Variants in PMVK observed in about 807,000 individuals in gnomAD.
PMVK encodes the protein phosphomevalonate kinase, also known as testis tissue sperm-binding protein Li 95mP.
Under a neutral mutation model 19.0 loss-of-function variants are expected in PMVK, and 10 were observed. The ratio of observed to expected loss-of-function variants is 0.53; its 90% CI spans 0.32 to 0.89. The LOEUF (loss-of-function observed/expected upper bound fraction) is 0.89. Among genes scored for constraint, PMVK ranks in the 40% least tolerant of loss-of-function variants. The pLI is 0.03. For missense variants in PMVK, 222 were observed against 251.1 expected (o/e 0.88, Z 0.78); for synonymous variants, 108 against 101.6 (o/e 1.06, Z -0.38).
intron 3 of PMVK, 40 bp from the exon 4 acceptor site, chr1:154,926,523 T>C (rs771562050): frequency 1.9e-6 from 3 of 1,600,756 alleles, no homozygotes; most frequent in Non-Finnish European, 8.5e-7. Flanking sequence ...CAGGACAGGA[T>C]GATAGAAGTG....
At chr1:154,927,990 T>A (rs1371869580) in intron 3 of PMVK, among the ~76,000 whole-genome samples, 1 of 152,052 alleles carries the variant, frequency 6.6e-6, no homozygotes, top group East Asian at 1.9e-4. Flanking sequence ...TAATGTAAGC[T>A]CCCTGAAGGA....
At chr1:154,941,746 C>T in the PMVK span, among the ~76,000 whole-genome samples, 3 of 152,204 alleles carry the variant, frequency 2.0e-5, no homozygotes, top group African/African-American at 7.2e-5. Context: ...CCACCCACCC[C>T]ATCTGTCTCC....
rs150946855 is a variant in PMVK, at chr1:154,929,200, C to T, written c.160-24G>A. 1,021 of 1,611,984 alleles carry T rather than the reference C, an allele frequency of 6.3e-4. 2 individuals are homozygous for T. The highest frequency in any genetic ancestry group is 2.8e-3 in the Middle Eastern group (17 of 6,054). ...TCCTGCCCAAAGGACATTATGTCTA[C>T]GTCACCGGCCTTTCAACCTCAGTGG... On this transcript the variant is annotated intron_variant, in intron 2 of 4. Transcript: ENST00000368467.
upstream of PMVK, chr1:154,936,776 G>C: frequency 8.4e-7 from 1 of 1,196,808 alleles, no homozygotes; most frequent in Non-Finnish European, 1.2e-6. Flanking sequence ...GCCACTAAGC[G>C]GAGCGGCAAC....
At chr1:154,930,015 G>C (rs1163338528) in intron 2 of PMVK, among the ~76,000 whole-genome samples, 1 of 152,200 alleles carries the variant, frequency 6.6e-6, no homozygotes, top group African/African-American at 2.4e-5. Context: ...TGGTCTACTT[G>C]TTGGTTATAT....
chr1:154,932,036 CTGAG>C (rs1319970659), intron 2 of PMVK, among the ~76,000 whole-genome samples: 5 of 152,094 alleles, frequency 3.3e-5, no homozygotes, highest in Non-Finnish European at 7.3e-5. Context: ...GTCAGGCCAG[CTGAG>C]TGAGAGGGTG....
At chr1:154,937,020 C>T (rs527855889), upstream of PMVK, 1 of 229,424 alleles carries the variant, frequency 4.4e-6, no homozygotes, top group South Asian at 7.8e-5. Context: ...TTAACTGACA[C>T]CCGGGGAGGA....
intron 1 of PMVK, chr1:154,936,367 A>G: frequency 1.0e-6 from 1 of 983,792 alleles, no homozygotes; most frequent in Non-Finnish European, 1.2e-6. Context: ...AGAGACCTGC[A>G]GCTGAAGGTC....
At position 154,924,938 on chromosome 1, in the gene PMVK, G is replaced by A. The variant is rs1375328906; in HGVS notation, c.*191C>T. The A allele has an allele frequency of 3.2e-6, 2 of 625,674 alleles. No homozygotes were observed. The highest frequency in any genetic ancestry group is 2.8e-5 in the East Asian group (1 of 36,116). The allele number at this position is 625,674 out of a possible 1,614,324, so 38.8% of individuals were successfully genotyped here. A position where few individuals can be genotyped will look rare whatever the true frequency, so the allele number is the denominator to read the frequency against. The stretch of plus-strand genomic sequence containing the variant: ...TTGGAGTCTCCTCCTGAAGAGCATG[G>A]CTGTCTTCCCCATGGAGAAAATGAG... On this transcript the variant is annotated 3_prime_UTR_variant, in exon 5 of 5. Coordinates refer to ENST00000368467, the MANE Select transcript of PMVK (RefSeq NM_006556.4).
At chr1:154,941,621 C>T (rs773739901), upstream of PMVK, among the ~76,000 whole-genome samples, 3 of 152,018 alleles carry the variant, frequency 2.0e-5, no homozygotes, top group Non-Finnish European at 4.4e-5. Context: ...TGTCCTTGGG[C>T]CCAGCCGGAC....
At chr1:154,931,009 A>C (rs572710990) in intron 2 of PMVK, among the ~76,000 whole-genome samples, 11 of 152,170 alleles carry the variant, frequency 7.2e-5, no homozygotes, top group Non-Finnish European at 1.6e-4. Context: ...GGATCACTTG[A>C]GCCCAGGAGG....
chr1:154,935,087 CA>C (rs1654463105), intron 1 of PMVK, among the ~76,000 whole-genome samples: 1 of 107,116 alleles, frequency 9.3e-6, no homozygotes, highest in African/African-American at 3.5e-5. Context: ...AAAAAAAAAA[CA>C]TGAGGCACAG....
Position 154,926,617 on chromosome 1 carries a change from G to A in PMVK, c.313-134C>T, listed in dbSNP as rs1208195202. The A allele has an allele frequency of 4.5e-6, 3 of 672,026 alleles. No homozygotes were observed. In the African/African-American group the frequency reaches 5.4e-5, roughly 12 times the overall value. 41.6% of individuals were successfully genotyped at this position (672,026 alleles called of 1,614,324 possible). On this transcript the variant is annotated intron_variant, in intron 3 of 4. Transcript: ENST00000368467. ...ATCATCGTGAGCATGTCAGCAGCTAGACTCACTATTCACGGATTCATTCAT... is the reference window on the plus strand; with the variant it reads ...ATCATCGTGAGCATGTCAGCAGCTAAACTCACTATTCACGGATTCATTCAT...
chr1:154,928,965 G>A (rs1571379899), intron 3 of PMVK, 59 bp downstream of exon 3: 1 of 1,523,568 alleles, frequency 6.6e-7, no homozygotes, highest in Non-Finnish European at 9.1e-7. Context: ...AGAGAGAGAT[G>A]GACACAGCGA....
chr1:154,939,647 G>C (rs890751616), upstream of PMVK, among the ~76,000 whole-genome samples: 1 of 150,598 alleles, frequency 6.6e-6, no homozygotes, highest in African/African-American at 2.4e-5. Flanking sequence ...GCAGTGAGCG[G>C]AGATCAGAGA....
At chr1:154,932,256 A>C in intron 2 of PMVK, 96 bp downstream of exon 2, 1 of 872,282 alleles carries the variant, frequency 1.1e-6, no homozygotes. Flanking sequence ...AGCAGTGGTG[A>C]CGGGAATCAT....
At position 154,924,860 on chromosome 1, in the gene PMVK, G is replaced by A. The variant is rs1654090058; in HGVS notation, c.*269C>T. 4 of 463,836 alleles carry A rather than the reference G, an allele frequency of 8.6e-6. No homozygotes were observed. Among genetic ancestry groups the A allele is most frequent in the South Asian group, 4.9e-5 (2 of 40,596 alleles). The allele number at this position is 463,836 out of a possible 1,614,324, so 28.7% of individuals were successfully genotyped here. A position where few individuals can be genotyped will look rare whatever the true frequency, so the allele number is the denominator to read the frequency against. Reference sequence around the variant, plus strand: ...CCACAGGCTGAGGGGACTGGCACTGGGGATATGGCAGGGTTTCGCCTTCAA... The same window carrying A: ...CCACAGGCTGAGGGGACTGGCACTGAGGATATGGCAGGGTTTCGCCTTCAA... On this transcript the variant is annotated 3_prime_UTR_variant, in exon 5 of 5. Transcript: ENST00000368467.
intron 2 of PMVK, among the ~76,000 whole-genome samples, chr1:154,930,456 G>A (rs888370717): frequency 1.8e-4 from 27 of 152,094 alleles, no homozygotes; most frequent in African/African-American, 5.1e-4. Context: ...GCGAGACTCC[G>A]TCTCAAATAT....
chr1:154,928,230 G>A (rs993059079), intron 3 of PMVK, among the ~76,000 whole-genome samples: 1 of 152,168 alleles, frequency 6.6e-6, no homozygotes, highest in Non-Finnish European at 1.5e-5. Flanking sequence ...AGAAAGAAAG[G>A]GCAGTCCAGA....
Sources: gnomAD v4.1 joint callset for allele counts (sites outside exome capture counted in the v4.1 genomes callset) on GRCh38, gnomAD v4.1.1 for gene constraint, MANE v1.5 for transcripts, NCBI Gene and HGNC (gene_info 2026-07-23, HGNC 2026-07-21) for gene names.